Variants in HNRNPM observed in about 807,000 individuals in gnomAD.
HNRNPM encodes the protein heterogeneous nuclear ribonucleoprotein M.
A neutral mutation model predicts 73.1 loss-of-function variants in HNRNPM; 11 were observed. The ratio of observed to expected loss-of-function variants is 0.15; its 90% CI spans 0.09 to 0.25. The LOEUF (loss-of-function observed/expected upper bound fraction) is 0.25. Ranked by LOEUF, HNRNPM falls within the 10% of genes least tolerant of loss-of-function variation. The pLI, the probability that HNRNPM is intolerant of heterozygous loss-of-function variation, is 1.00. For missense variants in HNRNPM, 789 were observed against 1,067.9 expected, an observed-to-expected ratio of 0.74 and a Z score of 3.64; for synonymous variants, 407 against 355.2, an observed-to-expected ratio of 1.15 and a Z score of -1.64.
intron 1 of HNRNPM, among the ~76,000 whole-genome samples, chr19:8,454,699 A>T (rs556634786): frequency 1.7e-4 from 17 of 102,668 alleles, no homozygotes; most frequent in African/African-American, 6.0e-4. Context: ...TTTTTTTAAC[A>T]CTATGAAAGA....
chr19:8,475,710 G>A (rs962808316), intron 12 of HNRNPM, among the ~76,000 whole-genome samples: 16 of 152,196 alleles, frequency 1.1e-4, no homozygotes, highest in African/African-American at 3.4e-4. Flanking sequence ...CCTGTAACTT[G>A]TGTGTGCATG....
At chr19:8,454,230 TC>T (rs1968832409) in intron 1 of HNRNPM, among the ~76,000 whole-genome samples, 1 of 152,196 alleles carries the variant, frequency 6.6e-6, no homozygotes, top group South Asian at 2.1e-4. Context: ...TTTAATAACT[TC>T]CCATTTCTAC....
rs777724502 is a variant in HNRNPM, at chr19:8,483,150, T to A, written c.1121-8T>A. ...TGGCTAATTTTTTTTTCTTCCTGAT[T>A]TCCTTAGAAATCCTAAGTAATGCAC... On this transcript the variant is annotated splice_polypyrimidine_tract_variant and splice_region_variant and intron_variant, in intron 12 of 15. Coordinates refer to ENST00000325495, the MANE Select transcript of HNRNPM (RefSeq NM_005968.5). 1 of 1,604,042 alleles carries A rather than the reference T, an allele frequency of 6.2e-7. No homozygotes were observed. Among genetic ancestry groups the A allele is most frequent in the East Asian group, 2.2e-5 (1 of 44,838 alleles).
rs1568283601 is a variant in HNRNPM at position 8,471,430 on chromosome 19, G to A, written c.997+3G>A. 6.4e-7 allele frequency: 1 copy of A among 1,561,788 alleles called. No homozygotes were observed. The highest frequency in any genetic ancestry group is 8.7e-7 in the Non-Finnish European group (1 of 1,143,816). On this transcript the variant is annotated splice_donor_region_variant and intron_variant, in intron 10 of 15. Coordinates refer to ENST00000325495, the MANE Select transcript of HNRNPM (RefSeq NM_005968.5). ...AATGGGAAACATAGGTCCCGCAGGT[G>A]AGAATGACAGTGCACCTTGCTTGGT... is the stretch of plus-strand genomic sequence containing the variant.
At chr19:8,477,012 TG>T (rs1970556568) in intron 12 of HNRNPM, among the ~76,000 whole-genome samples, 1 of 152,158 alleles carries the variant, frequency 6.6e-6, no homozygotes, top group African/African-American at 2.4e-5. Flanking sequence ...AGCCAGTCCT[TG>T]TTAATTCATA....
rs780819550 is a variant in HNRNPM at position 8,474,155 on chromosome 19, CCT to C, written c.1043-7_1043-6del. 1 of 1,571,832 alleles carries C rather than the reference CCT, an allele frequency of 6.4e-7. No homozygotes were observed. The highest frequency in any genetic ancestry group is 2.4e-5 in the East Asian group (1 of 41,770). ...TTGTTGGATGATGCTGAAATGTGAA[CCT>C]CTCTTGCAGGAATGGAGGGGCCCTT... On this transcript the variant is annotated splice_polypyrimidine_tract_variant and intron_variant, in intron 11 of 15. Coordinates refer to ENST00000325495, the MANE Select transcript of HNRNPM (RefSeq NM_005968.5).
intron 2 of HNRNPM, 128 bp downstream of exon 2, chr19:8,455,702 T>C: frequency 1.6e-6 from 1 of 635,560 alleles, no homozygotes. Flanking sequence ...GGCTTAAGAG[T>C]GAAGCCCCCT....
intron 15 of HNRNPM, chr19:8,487,370 A>C: frequency 5.4e-6 from 2 of 367,724 alleles, no homozygotes; most frequent in South Asian, 2.7e-5. Flanking sequence ...TTCTGAGGTT[A>C]CCTGGCTTCT....
chr19:8,452,541 T>C (rs1907925722), intron 1 of HNRNPM, among the ~76,000 whole-genome samples: 1 of 152,160 alleles, frequency 6.6e-6, no homozygotes, highest in African/African-American at 2.4e-5. Context: ...CAGTTGTAGG[T>C]CTCCTGTGGG....
At chr19:8,461,404 C>T (rs944683262) in intron 2 of HNRNPM, among the ~76,000 whole-genome samples, 2 of 152,150 alleles carry the variant, frequency 1.3e-5, no homozygotes, top group Non-Finnish European at 2.9e-5. Context: ...TACCCTTGTA[C>T]TGCTAAACCA....
At chr19:8,446,717 G>GTT (rs1368954660) in intron 1 of HNRNPM, among the ~76,000 whole-genome samples, 2 of 152,150 alleles carry the variant, frequency 1.3e-5, no homozygotes, top group Non-Finnish European at 2.9e-5. Flanking sequence ...TGAGCGCTTA[G>GTT]GTTAAGAACG....
At chr19:8,446,309 C>T (rs1968181930) in intron 1 of HNRNPM, among the ~76,000 whole-genome samples, 1 of 152,194 alleles carries the variant, frequency 6.6e-6, no homozygotes, top group Non-Finnish European at 1.5e-5. Flanking sequence ...CTAACTCCCT[C>T]CGTTTTCTTT....
At chr19:8,463,737 C>G (rs1244487916) in intron 5 of HNRNPM, 51 bp downstream of exon 5, 1 of 1,261,318 alleles carries the variant, frequency 7.9e-7, no homozygotes, top group Non-Finnish European at 1.2e-6. Flanking sequence ...TTGAGTGATC[C>G]TACTTTGGAA....
intron 6 of HNRNPM, 116 bp downstream of exon 6, chr19:8,465,631 T>C: frequency 1.3e-6 from 1 of 774,246 alleles, no homozygotes; most frequent in South Asian, 2.0e-5. Context: ...AGAAGGGTTT[T>C]GTTCTTGATT....
At chr19:8,471,275 C>G in intron 9 of HNRNPM, 51 bp from the exon 10 acceptor site, 6 of 1,174,700 alleles carry the variant, frequency 5.1e-6, no homozygotes, top group Non-Finnish European at 7.2e-6. Flanking sequence ...CTTTGAGGGT[C>G]AAGGTTTGCT....
At chr19:8,477,735 T>C (rs1489147704) in intron 12 of HNRNPM, among the ~76,000 whole-genome samples, 1 of 150,284 alleles carries the variant, frequency 6.7e-6, no homozygotes, top group Non-Finnish European at 1.5e-5. Flanking sequence ...CAAACCCCGT[T>C]ATGTAGATGC....
chr19:8,455,944 C>CTTTTT (rs369296420), intron 2 of HNRNPM, among the ~76,000 whole-genome samples: 6 of 134,504 alleles, frequency 4.5e-5, no homozygotes, highest in South Asian at 4.8e-4. Flanking sequence ...CCTTTCTTTC[C>CTTTTT]TTTTTTTTTT....
chr19:8,455,256 C>A (rs77330962), intron 1 of HNRNPM, 149 bp from the exon 2 acceptor site: 8,635 of 638,774 alleles, frequency 0.014, 88 homozygotes, highest in Non-Finnish European at 0.02. Context: ...GCTAGGATTA[C>A]AGGTGTGAGC....
Position 8,462,410 on chromosome 19 carries a change from T to C in HNRNPM, c.284-119T>C, listed in dbSNP as rs546156143. ...GGTGGTTTAGAGAATATGGAGTGTT[T>C]CTGGGCTTTCTTATAAGGCAGAGGC... On this transcript the variant is annotated intron_variant, in intron 2 of 15. Transcript: ENST00000325495. This position sits in a 1 kb window ranked among gnomAD's most constrained non-coding sequence, Gnocchi z 4.5. The C allele has an allele frequency of 1.2e-6, 1 of 848,878 alleles. No homozygotes were observed. Among genetic ancestry groups the C allele is most frequent in the African/African-American group, 1.7e-5 (1 of 59,694 alleles). 52.6% of individuals were successfully genotyped at this position (848,878 alleles called of 1,614,324 possible).
Sources: gnomAD v4.1 joint callset for allele counts (sites outside exome capture counted in the v4.1 genomes callset) on GRCh38, gnomAD v4.1.1 for gene constraint, Gnocchi (gnomAD v3.1) non-coding constraint, MANE v1.5 for transcripts, NCBI Gene and HGNC (gene_info 2026-07-23, HGNC 2026-07-21) for gene names.